Variants in TRAF3 observed in about 807,000 individuals in gnomAD.
TRAF3 encodes the protein TNF receptor-associated factor 3.
TRAF3 carries 13 observed loss-of-function variants against 62.3 expected under a neutral mutation model. The ratio of observed to expected loss-of-function variants is 0.21; its 90% CI spans 0.14 to 0.33. The LOEUF (loss-of-function observed/expected upper bound fraction) is 0.33, where lower values mean the gene tolerates loss of function less well. Ranked by LOEUF, TRAF3 falls within the 10% of genes least tolerant of loss-of-function variation. The pLI is 1.00. For missense variants in TRAF3, 440 were observed against 741.8 expected (o/e 0.59, Z 4.73); for synonymous variants, 269 against 283.4 (o/e 0.95, Z 0.51).
chr14:102,789,594 ATGTGTGTG>A (rs56383846), intron 1 of TRAF3, among the ~76,000 whole-genome samples: 135 of 148,792 alleles, frequency 9.1e-4, no homozygotes, highest in Middle Eastern at 7.0e-3. Context: ...AAAAGGATAT[ATGTGTGTG>A]TGTGTGTGTG....
chr14:102,890,302 A>G (rs1277372620), intron 8 of TRAF3, among the ~76,000 whole-genome samples: 1 of 152,278 alleles, frequency 6.6e-6, no homozygotes, highest in Non-Finnish European at 1.5e-5. Context: ...TCTTAAAACT[A>G]TCAAGAGGCA....
chr14:102,869,791 G>A (rs1296789240), intron 2 of TRAF3, among the ~76,000 whole-genome samples: 1 of 150,158 alleles, frequency 6.7e-6, no homozygotes, highest in Non-Finnish European at 1.5e-5. Flanking sequence ...GGGCAACAGA[G>A]CGAGACTCCG....
At chr14:102,904,243 G>A (rs1326112749) in intron 11 of TRAF3, among the ~76,000 whole-genome samples, 1 of 152,240 alleles carries the variant, frequency 6.6e-6, no homozygotes, top group Admixed American at 6.5e-5. Flanking sequence ...AGACAGACAG[G>A]GCTGTGGGCA....
At position 102,906,267 on chromosome 14, in the gene TRAF3, GT is replaced by G. The variant is rs1240697581; in HGVS notation, c.*484del. The G allele has an allele frequency of 6.3e-6, 1 of 158,004 alleles. No homozygotes were observed. The highest frequency in any genetic ancestry group is 1.4e-5 in the Non-Finnish European group (1 of 71,110). 9.8% of individuals were successfully genotyped at this position (158,004 alleles called of 1,614,324 possible). A position where few individuals can be genotyped will look rare whatever the true frequency, so the allele number is the denominator to read the frequency against. The stretch of plus-strand genomic sequence containing the variant: ...AGAGTGCAATTTTGTTTCAAATACA[GT>G]ATATTGTCTATTTTTAAGGCCTCAT... On this transcript the variant is annotated 3_prime_UTR_variant, in exon 12 of 12. Transcript: ENST00000392745.
intron 1 of TRAF3, among the ~76,000 whole-genome samples, chr14:102,818,521 G>T (rs1166975780): frequency 6.6e-6 from 1 of 152,036 alleles, no homozygotes; most frequent in African/African-American, 2.4e-5. Flanking sequence ...TTGTATGCCT[G>T]ACTAAGTCAA....
intron 7 of TRAF3, among the ~76,000 whole-genome samples, 182 bp downstream of exon 7, chr14:102,886,451 TA>T (rs1422554953): frequency 6.6e-6 from 1 of 152,036 alleles, no homozygotes; most frequent in Non-Finnish European, 1.5e-5. Flanking sequence ...AAGCAAGCAT[TA>T]GGGTTAAAAG....
intron 8 of TRAF3, among the ~76,000 whole-genome samples, chr14:102,890,791 G>T (rs1889664496): frequency 6.6e-6 from 1 of 152,120 alleles, no homozygotes; most frequent in South Asian, 2.1e-4. Context: ...AAGAATACTG[G>T]AATGGTGAAG....
chr14:102,878,007 C>T (rs1260503321), intron 6 of TRAF3, among the ~76,000 whole-genome samples: 1 of 152,174 alleles, frequency 6.6e-6, no homozygotes, highest in Non-Finnish European at 1.5e-5. Flanking sequence ...CACTTTTTAT[C>T]TGACTTTATT....
chr14:102,816,543 C>T (rs1455550491), intron 1 of TRAF3, among the ~76,000 whole-genome samples: 3 of 152,164 alleles, frequency 2.0e-5, no homozygotes, highest in Non-Finnish European at 4.4e-5. Flanking sequence ...AAATAATACA[C>T]AGTAAATTTT....
chr14:102,892,814 A>G (rs939353882), intron 9 of TRAF3, among the ~76,000 whole-genome samples: 1 of 152,216 alleles, frequency 6.6e-6, no homozygotes, highest in Admixed American at 6.5e-5. Context: ...GAGCTTGAGA[A>G]GCAGCAGGAG....
At chr14:102,853,587 C>A (rs1887178153) in intron 2 of TRAF3, among the ~76,000 whole-genome samples, 1 of 152,086 alleles carries the variant, frequency 6.6e-6, no homozygotes, top group Non-Finnish European at 1.5e-5. Flanking sequence ...GTAATCCCAG[C>A]ACTTTAGGAG....
At chr14:102,877,315 A>T (rs1888745814) in intron 6 of TRAF3, among the ~76,000 whole-genome samples, 1 of 144,004 alleles carries the variant, frequency 6.9e-6, no homozygotes, top group Non-Finnish European at 1.5e-5. Context: ...CGCTCAGCTC[A>T]TAGATAATCT....
In TRAF3 at chr14:102,854,825, A is replaced by G. The variant is rs530101418; in HGVS notation, c.-17-15360A>G. Among the ~76,000 whole-genome samples the G allele has an allele frequency of 3.3e-4, 49 of 146,462 alleles. 1 individual carries two copies. In the East Asian group the frequency reaches 8.2e-3, roughly 25 times the overall value. On this transcript the variant is annotated intron_variant, in intron 2 of 11. Coordinates refer to ENST00000392745, the MANE Select transcript of TRAF3 (RefSeq NM_145725.3). ...TGTTTTTTTTTTTTTTTTTTTAACA[A>G]TGTTTTAAAATAAATTGTGGTGAGA...
intron 4 of TRAF3, among the ~76,000 whole-genome samples, chr14:102,872,898 G>T (rs1477798042): frequency 6.6e-6 from 1 of 151,890 alleles, no homozygotes; most frequent in Non-Finnish European, 1.5e-5. Flanking sequence ...CACCGTGTTG[G>T]TTAGGCCAGT....
intron 10 of TRAF3, among the ~76,000 whole-genome samples, chr14:102,898,176 T>C (rs979732306): frequency 2.6e-5 from 4 of 152,240 alleles, no homozygotes; most frequent in Non-Finnish European, 4.4e-5. Flanking sequence ...ATGGCATCTT[T>C]GAGAATGCCT....
Position 102,868,050 on chromosome 14 carries a change from C to T in TRAF3, c.-17-2135C>T, listed in dbSNP as rs184213142. Among the ~76,000 whole-genome samples the T allele has an allele frequency of 5.9e-4, 90 of 152,298 alleles. 1 individual carries two copies. In the East Asian group the frequency reaches 0.013, roughly 22 times the overall value. ...GAACGGGGCTCGGAAGCAAGGGCTC[C>T]GCCCGCCCACCCAGCAACTACCTCC... On this transcript the variant is annotated intron_variant, in intron 2 of 11. Coordinates refer to ENST00000392745, the MANE Select transcript of TRAF3 (RefSeq NM_145725.3).
At chr14:102,848,853 G>A (rs1025610094) in intron 2 of TRAF3, among the ~76,000 whole-genome samples, 7 of 152,164 alleles carry the variant, frequency 4.6e-5, no homozygotes, top group East Asian at 3.8e-4. Flanking sequence ...AGGCTCGATC[G>A]CTTTCTGGCT....
At chr14:102,791,038 G>A (rs1361540919) in intron 1 of TRAF3, among the ~76,000 whole-genome samples, 3 of 133,706 alleles carry the variant, frequency 2.2e-5, no homozygotes, top group East Asian at 2.1e-4. Context: ...TTTTTTTTTC[G>A]AGAGGGAGTC....
chr14:102,788,826 G>A (rs1284426738), intron 1 of TRAF3, among the ~76,000 whole-genome samples: 2 of 151,586 alleles, frequency 1.3e-5, no homozygotes, highest in African/African-American at 4.9e-5. Context: ...ACAAAACTGG[G>A]CACAGTGGCT....
Sources: allele counts gnomAD v4.1 joint callset (sites outside exome capture counted in the v4.1 genomes callset), GRCh38; gene constraint gnomAD v4.1.1; transcripts MANE v1.5; gene names NCBI Gene and HGNC (gene_info 2026-07-23, HGNC 2026-07-21).